KAZN: variants seen among roughly 807,000 people sequenced by gnomAD.
The protein encoded by KAZN is kazrin.
Under a neutral mutation model 87.4 loss-of-function variants are expected in KAZN, and 40 were observed. The observed-to-expected ratio is 0.46, with a 90% CI of 0.36 to 0.60. The LOEUF (loss-of-function observed/expected upper bound fraction) is 0.60. Among genes scored for constraint, KAZN ranks in the 20% least tolerant of loss-of-function variants. The pLI is 0.00. For synonymous variants in KAZN, 466 were observed against 458.3 expected (o/e 1.02, Z -0.22); for missense variants, 898 against 1,073.9 (o/e 0.84, Z 2.29).
chr1:14,617,194 G>A (rs1678317417), intron 1 of KAZN, among the ~76,000 whole-genome samples: 1 of 152,134 alleles, frequency 6.6e-6, no homozygotes, highest in Non-Finnish European at 1.5e-5. Context: ...TATGATACAG[G>A]CATATTTCAG....
chr1:15,009,801 C>G (rs1307710962), intron 2 of KAZN, among the ~76,000 whole-genome samples: 1 of 152,204 alleles, frequency 6.6e-6, no homozygotes, highest in Non-Finnish European at 1.5e-5. Context: ...TACCTGACCC[C>G]AAACATTCAT....
intron 2 of KAZN, among the ~76,000 whole-genome samples, chr1:14,410,091 A>G (rs1664184135): frequency 6.6e-6 from 1 of 152,212 alleles, no homozygotes; most frequent in South Asian, 2.1e-4. Context: ...CAGAATATTA[A>G]TTGGAAAAGT....
At chr1:14,975,298 A>G (rs968330038) in intron 2 of KAZN, among the ~76,000 whole-genome samples, 2 of 152,238 alleles carry the variant, frequency 1.3e-5, no homozygotes, top group African/African-American at 4.8e-5. Flanking sequence ...AACTTTTTAA[A>G]TAGGTCTGAC....
chr1:14,104,489 G>A (rs183536771), intron 1 of KAZN, among the ~76,000 whole-genome samples: 5 of 152,298 alleles, frequency 3.3e-5, no homozygotes, highest in African/African-American at 9.6e-5. Context: ...TGGTAGAACA[G>A]AGCCAGGGAG....
At chr1:14,552,768 A>G (rs900345473) in intron 2 of KAZN, among the ~76,000 whole-genome samples, 6 of 152,224 alleles carry the variant, frequency 3.9e-5, no homozygotes, top group Non-Finnish European at 8.8e-5. Flanking sequence ...TAGACTATTT[A>G]CCATGAGTCA....
chr1:14,650,397 A>T (rs1572135270), intron 1 of KAZN, among the ~76,000 whole-genome samples: 1 of 152,128 alleles, frequency 6.6e-6, no homozygotes, highest in Admixed American at 6.5e-5. Context: ...TCTACTAAAA[A>T]TTAAAAAATT....
intron 1 of KAZN, among the ~76,000 whole-genome samples, chr1:14,057,918 T>A (rs1470893286): frequency 6.6e-6 from 1 of 152,354 alleles, no homozygotes; most frequent in Admixed American, 6.5e-5. Flanking sequence ...ACAAAGAGTA[T>A]AATGAACAAC....
At chr1:14,959,539 G>A (rs1274573263) in intron 1 of KAZN, among the ~76,000 whole-genome samples, 2 of 152,104 alleles carry the variant, frequency 1.3e-5, no homozygotes, top group African/African-American at 4.8e-5. Flanking sequence ...TGCGGAGGGT[G>A]GGGGCGGCCC....
intron 1 of KAZN, among the ~76,000 whole-genome samples, chr1:14,138,730 C>T (rs1645165216): frequency 6.6e-6 from 1 of 152,202 alleles, no homozygotes; most frequent in African/African-American, 2.4e-5. Flanking sequence ...AGGTTGCCTC[C>T]CCTTTCCAAT....
intron 2 of KAZN, among the ~76,000 whole-genome samples, chr1:14,278,170 C>CAAAAAAA (rs34057998): frequency 1.8e-5 from 1 of 55,874 alleles, no homozygotes; most frequent in Non-Finnish European, 4.4e-5. Context: ...AACTCTGTCT[C>CAAAAAAA]AAAAAAAAAA....
chr1:14,478,590 A>C (rs978999979), intron 2 of KAZN, among the ~76,000 whole-genome samples: 3 of 151,956 alleles, frequency 2.0e-5, no homozygotes, highest in Non-Finnish European at 2.9e-5. Context: ...CTTCTTCCTT[A>C]CTCTTCCTTC....
rs149370962 is a variant in KAZN at position 14,967,994 on chromosome 1, G to A, written c.418+7119G>A. ...CAGTTTTTCCACGGACCAGGTGTCC[G>A]GGGTTGGGGGATGGTTTTGGGATGA... On this transcript the variant is annotated intron_variant, in intron 2 of 14. Transcript: ENST00000376030. Among the ~76,000 whole-genome samples, 683 of 152,296 alleles carry A rather than the reference G, an allele frequency of 4.5e-3. 3 individuals carry two copies. Among genetic ancestry groups the A allele is most frequent in the African/African-American group, 0.016 (656 of 41,548 alleles).
intron 2 of KAZN, among the ~76,000 whole-genome samples, chr1:14,329,000 C>CA (rs1221789769): frequency 2.0e-5 from 3 of 152,098 alleles, no homozygotes; most frequent in African/African-American, 7.2e-5. Context: ...AGAAAAGACA[C>CA]AACTCAAACT....
chr1:14,808,058 C>A (rs1646279105), intron 1 of KAZN, among the ~76,000 whole-genome samples: 1 of 152,156 alleles, frequency 6.6e-6, no homozygotes, highest in Non-Finnish European at 1.5e-5. Flanking sequence ...ACCAGTCCCA[C>A]CTGGGGTGGC....
intron 2 of KAZN, among the ~76,000 whole-genome samples, chr1:14,483,366 G>A (rs534503241): frequency 1.9e-4 from 29 of 152,298 alleles, no homozygotes; most frequent in South Asian, 1.2e-3. Flanking sequence ...GCCCATTACC[G>A]AAAGTGAGGG....
At chr1:14,065,120 G>A (rs1272668837) in intron 1 of KAZN, among the ~76,000 whole-genome samples, 2 of 152,122 alleles carry the variant, frequency 1.3e-5, no homozygotes, top group Non-Finnish European at 2.9e-5. Flanking sequence ...ATGTTATGGG[G>A]AGACCTCTGA....
In KAZN at chr1:15,104,042, C is replaced by A. The variant is rs781151982; in HGVS notation, c.1901C>A (p.Thr634Asn). Residue 634 changes from threonine to asparagine, a missense_variant, in exon 13 of 15, where the codon ACC becomes AAC. By Grantham distance (65) the Thr-to-Asn change is moderately conservative. This residue lies in a region of KAZN where 521 missense variants were observed against 689.4 expected (regional missense o/e 0.76). Transcript: ENST00000376030. ...CCCCAGGAGTACGCAGACAACCTGA[C>A]CAACAGCGGCGTCCATGGTGCTGTG... ...IDLKEYADNL[T>N]NSGVHGAVLV... 27 of 1,613,636 alleles carry A rather than the reference C, an allele frequency of 1.7e-5. No homozygotes were observed. Among genetic ancestry groups the A allele is most frequent in the Non-Finnish European group, 2.3e-5 (27 of 1,179,832 alleles).
intron 1 of KAZN, among the ~76,000 whole-genome samples, chr1:13,938,268 C>T (rs1196460126): frequency 6.6e-6 from 1 of 152,038 alleles, no homozygotes; most frequent in Non-Finnish European, 1.5e-5. Context: ...GTATTCTAGG[C>T]ACTTTCTTTT....
chr1:14,052,156 C>T (rs1460763463), intron 1 of KAZN, among the ~76,000 whole-genome samples: 1 of 152,194 alleles, frequency 6.6e-6, no homozygotes, highest in African/African-American at 2.4e-5. Context: ...ACATCTTGTA[C>T]CTGCTCTCCC....
Sources: gnomAD v4.1 joint callset for allele counts (sites outside exome capture counted in the v4.1 genomes callset) on GRCh38, gnomAD v4.1.1 for gene constraint, gnomAD v4.1.1 regional missense constraint, MANE v1.5 for transcripts, NCBI Gene and HGNC (gene_info 2026-07-23, HGNC 2026-07-21) for gene names.